The following RTN1 variants were observed in gnomAD, a reference collection of about 807,000 sequenced individuals.
RTN1 encodes the protein reticulon-1.
A neutral mutation model predicts 65.5 loss-of-function variants in RTN1; 25 were observed. That is an observed-to-expected ratio of 0.38 (90% CI 0.28 to 0.53). RTN1 has a LOEUF of 0.53. Among genes scored for constraint, RTN1 ranks in the 20% least tolerant of loss-of-function variants. The pLI, the probability that RTN1 is intolerant of heterozygous loss-of-function variation, is 0.79. For missense variants in RTN1, 983 were observed against 1,025.4 expected (o/e 0.96, Z 0.57); for synonymous variants, 471 against 447.6 (o/e 1.05, Z -0.66).
chr14:59,742,270 C>G (rs938375753), intron 2 of RTN1, among the ~76,000 whole-genome samples: 5 of 152,092 alleles, frequency 3.3e-5, no homozygotes, highest in Admixed American at 6.6e-5. Flanking sequence ...GATTATTGTC[C>G]TTTTTGAGGC....
chr14:59,866,287 T>A (rs1302641594), intron 1 of RTN1, among the ~76,000 whole-genome samples: 1 of 152,142 alleles, frequency 6.6e-6, no homozygotes, highest in Non-Finnish European at 1.5e-5. Flanking sequence ...TTTCTCACTT[T>A]ACAAAAGATA....
chr14:59,651,452 A>G (rs903937721), intron 3 of RTN1, among the ~76,000 whole-genome samples: 1 of 152,082 alleles, frequency 6.6e-6, no homozygotes, highest in Non-Finnish European at 1.5e-5. Context: ...CAACCTAGGC[A>G]ATACCACTCA....
At chr14:59,738,853 C>T (rs1885056826) in intron 2 of RTN1, among the ~76,000 whole-genome samples, 1 of 152,146 alleles carries the variant, frequency 6.6e-6, no homozygotes, top group South Asian at 2.1e-4. Flanking sequence ...TTCACAGGGA[C>T]ATGGATGGAG....
intron 1 of RTN1, among the ~76,000 whole-genome samples, chr14:59,852,620 C>A (rs1887529416): frequency 6.6e-6 from 1 of 152,192 alleles, no homozygotes; most frequent in Non-Finnish European, 1.5e-5. Context: ...ATAGACCCAT[C>A]ATTAAGCCCT....
chr14:59,716,804 A>G (rs997063671), intron 3 of RTN1, among the ~76,000 whole-genome samples: 2 of 133,640 alleles, frequency 1.5e-5, no homozygotes, highest in South Asian at 4.8e-4. Flanking sequence ...AAAAAAATAC[A>G]AAAAAAAAAA....
intron 3 of RTN1, among the ~76,000 whole-genome samples, chr14:59,698,771 T>C (rs575570980): frequency 3.9e-5 from 6 of 152,322 alleles, no homozygotes; most frequent in African/African-American, 1.4e-4. Flanking sequence ...AATGGACTAA[T>C]ACCTAAGGCA....
At chr14:59,613,027 T>C (rs1353576591) in intron 3 of RTN1, among the ~76,000 whole-genome samples, 1 of 152,230 alleles carries the variant, frequency 6.6e-6, no homozygotes, top group East Asian at 1.9e-4. Flanking sequence ...TTGAGGTTTC[T>C]TCCCCCCATA....
In RTN1 at chr14:59,728,249, CTTTTTTTT is replaced by C. The variant is rs200434592; in HGVS notation, c.1016-589_1016-582del. Among the ~76,000 whole-genome samples the C allele has an allele frequency of 6.4e-5, 8 of 124,202 alleles. No homozygotes were observed. In the East Asian group the frequency reaches 7.5e-4, roughly 12 times the overall value. 81.5% of individuals were successfully genotyped at this position (124,202 alleles called of 152,430 possible). The stretch of plus-strand genomic sequence containing the variant: ...TTATATTTCCAATAAGAATCAGTAT[CTTTTTTTT>C]TTTTTTTTTTTTTTTTTGCAACTAA... On this transcript the variant is annotated intron_variant, in intron 2 of 8. Transcript: ENST00000267484.
At chr14:59,598,048 T>C (rs539837353) in intron 8 of RTN1, among the ~76,000 whole-genome samples, 1 of 152,104 alleles carries the variant, frequency 6.6e-6, no homozygotes, top group South Asian at 2.1e-4. Context: ...TGATTAATGT[T>C]GTAAGAAGAT....
intron 1 of RTN1, among the ~76,000 whole-genome samples, chr14:59,755,176 G>GA (rs897247329): frequency 2.6e-5 from 4 of 151,382 alleles, no homozygotes; most frequent in African/African-American, 9.7e-5. Flanking sequence ...ATGCCAGAAA[G>GA]AAAAAAAACA....
intron 3 of RTN1, among the ~76,000 whole-genome samples, chr14:59,648,108 A>G (rs1472229438): frequency 6.6e-6 from 1 of 152,220 alleles, no homozygotes; most frequent in Non-Finnish European, 1.5e-5. Context: ...GGATGTTACC[A>G]TTGACCCCAC....
intron 1 of RTN1, among the ~76,000 whole-genome samples, chr14:59,838,772 T>G (rs1158300061): frequency 6.6e-6 from 1 of 152,154 alleles, no homozygotes; most frequent in African/African-American, 2.4e-5. Flanking sequence ...GAGTTAATAC[T>G]ACGTGAAAAT....
chr14:59,679,037 T>C (rs1039632111), intron 3 of RTN1, among the ~76,000 whole-genome samples: 1 of 152,204 alleles, frequency 6.6e-6, no homozygotes, highest in Non-Finnish European at 1.5e-5. Context: ...CTGAATCCTC[T>C]TGGCTCCTGG....
intron 1 of RTN1, among the ~76,000 whole-genome samples, chr14:59,753,036 A>G (rs547800537): frequency 6.6e-6 from 1 of 152,268 alleles, no homozygotes; most frequent in Admixed American, 6.5e-5. Context: ...CATGATTTTT[A>G]TACTAATTGG....
intron 2 of RTN1, among the ~76,000 whole-genome samples, chr14:59,734,977 C>A (rs61985034): frequency 0.073 from 11,051 of 152,090 alleles, 552 homozygotes; most frequent in Non-Finnish European, 0.11. Context: ...ATGTTAAGGG[C>A]AGCCACAGAG....
chr14:59,690,066 C>T (rs1412475710), intron 3 of RTN1, among the ~76,000 whole-genome samples: 5 of 151,906 alleles, frequency 3.3e-5, no homozygotes, highest in African/African-American at 1.2e-4. Context: ...TATACTCCTG[C>T]CTTGGCCTCC....
At chr14:59,687,638 G>A (rs959490720) in intron 3 of RTN1, among the ~76,000 whole-genome samples, 1 of 151,574 alleles carries the variant, frequency 6.6e-6, no homozygotes, top group Admixed American at 6.6e-5. Flanking sequence ...CTGTGCAAAG[G>A]TGCAGACACA....
chr14:59,597,889 TTTGC>T (rs1881452738), intron 8 of RTN1, among the ~76,000 whole-genome samples: 1 of 151,692 alleles, frequency 6.6e-6, no homozygotes, highest in Non-Finnish European at 1.5e-5. Context: ...GAGAAGCCCG[TTTGC>T]TTGGGGTATG....
rs1199931580 is a variant in RTN1, at chr14:59,727,722, G to A, written c.1016-54C>T. 4.6e-6 allele frequency: 7 copies of A among 1,515,054 alleles called. No homozygotes were observed. Among genetic ancestry groups the A allele is most frequent in the Middle Eastern group, 1.8e-4 (1 of 5,634 alleles). 93.9% of individuals were successfully genotyped at this position (1,515,054 alleles called of 1,614,324 possible). On this transcript the variant is annotated intron_variant, in intron 2 of 8. Transcript: ENST00000267484. The surrounding 1 kb of genome is among the most constrained non-coding windows in gnomAD (Gnocchi z 4.2). ...ACGGAGGCACACACACGGACAGACA[G>A]ATGGACAGAGAGAGGAGGGATAAAA...
Sources: allele counts gnomAD v4.1 joint callset (sites outside exome capture counted in the v4.1 genomes callset), GRCh38; gene constraint gnomAD v4.1.1; non-coding constraint Gnocchi (gnomAD v3.1); transcripts MANE v1.5; gene names NCBI Gene and HGNC (gene_info 2026-07-23, HGNC 2026-07-21).